The following GALNTL6 variants were observed in gnomAD, a reference collection of about 807,000 sequenced individuals.
GALNTL6 encodes the protein polypeptide N-acetylgalactosaminyltransferase-like 6.
A neutral mutation model predicts 73.7 loss-of-function variants in GALNTL6; 46 were observed. The observed-to-expected ratio is 0.62, with a 90% CI of 0.49 to 0.80. The LOEUF (loss-of-function observed/expected upper bound fraction) is 0.80. Ranked by LOEUF, GALNTL6 falls within the 30% of genes least tolerant of loss-of-function variation. The probability of loss-of-function intolerance (pLI) is 0.00; values close to 1 mark genes in which losing one functional copy is unlikely to be tolerated. For synonymous variants in GALNTL6, 259 were observed against 263.7 expected, an observed-to-expected ratio of 0.98 and a Z score of 0.17; for missense variants, 604 against 755.0, an observed-to-expected ratio of 0.80 and a Z score of 2.34.
intron 5 of GALNTL6, among the ~76,000 whole-genome samples, chr4:172,610,061 T>A (rs1298550483): frequency 6.6e-6 from 1 of 152,074 alleles, no homozygotes; most frequent in African/African-American, 2.4e-5. Flanking sequence ...CATTTCTAAT[T>A]GTGTTTATTT....
intron 5 of GALNTL6, among the ~76,000 whole-genome samples, chr4:172,732,086 T>C (rs1367179473): frequency 6.6e-6 from 1 of 152,098 alleles, no homozygotes; most frequent in Non-Finnish European, 1.5e-5. Flanking sequence ...CTCCACTGTT[T>C]CCTTGTTGAT....
intron 2 of GALNTL6, among the ~76,000 whole-genome samples, chr4:171,896,950 G>A (rs1460745182): frequency 1.3e-5 from 2 of 151,762 alleles, no homozygotes; most frequent in African/African-American, 2.4e-5. Context: ...AAAGCCAAAT[G>A]GGAACAATTA....
intron 5 of GALNTL6, among the ~76,000 whole-genome samples, chr4:172,792,166 C>T (rs147945296): frequency 6.2e-4 from 94 of 152,108 alleles, no homozygotes; most frequent in African/African-American, 1.9e-3. Context: ...AAAACCATGA[C>T]GTGAAAATAG....
intron 2 of GALNTL6, among the ~76,000 whole-genome samples, chr4:171,822,876 T>C (rs1275114069): frequency 6.6e-6 from 1 of 152,170 alleles, no homozygotes; most frequent in Non-Finnish European, 1.5e-5. Context: ...TTAGAAGAGG[T>C]AAAAAATATG....
chr4:172,711,323 T>C (rs1734690838), intron 5 of GALNTL6, among the ~76,000 whole-genome samples: 1 of 152,134 alleles, frequency 6.6e-6, no homozygotes, highest in South Asian at 2.1e-4. Context: ...GTATAGAGAT[T>C]ACTGCGGCTG....
chr4:172,114,406 C>A (rs886415694), intron 2 of GALNTL6, among the ~76,000 whole-genome samples: 1 of 151,958 alleles, frequency 6.6e-6, no homozygotes, highest in African/African-American at 2.4e-5. Context: ...TCATTCGTTC[C>A]TCATCATCAA....
intron 2 of GALNTL6, among the ~76,000 whole-genome samples, chr4:171,880,400 T>C (rs1198884458): frequency 2.6e-5 from 4 of 152,224 alleles, no homozygotes; most frequent in Admixed American, 6.5e-5. Flanking sequence ...TCCCACCATA[T>C]GAATCAGATG....
intron 2 of GALNTL6, among the ~76,000 whole-genome samples, chr4:171,934,533 C>T (rs1425923159): frequency 4.6e-5 from 7 of 152,136 alleles, no homozygotes; most frequent in African/African-American, 1.7e-4. Flanking sequence ...CTCACGTCAG[C>T]CTCCCAAGTA....
At chr4:172,757,134 C>A (rs1737798879) in intron 5 of GALNTL6, among the ~76,000 whole-genome samples, 1 of 152,178 alleles carries the variant, frequency 6.6e-6, no homozygotes, top group East Asian at 1.9e-4. Flanking sequence ...GATTAAGCAT[C>A]TGGTGTATGC....
In GALNTL6 at chr4:172,198,921, G is replaced by A. The variant is rs560228091; in HGVS notation, c.139-30735G>A. 2.0e-5 allele frequency among the ~76,000 whole-genome samples: 3 copies of A among 152,012 alleles called. No homozygotes were observed. In the South Asian group the frequency reaches 6.2e-4, roughly 32 times the overall value. ...ATTTAGTACTTCACTTCTCTCTAATGATAGCCAACTCCTAATCATCTTTCA... is the reference window on the plus strand; with the variant it reads ...ATTTAGTACTTCACTTCTCTCTAATAATAGCCAACTCCTAATCATCTTTCA... On this transcript the variant is annotated intron_variant, in intron 2 of 12. Coordinates refer to ENST00000506823, the MANE Select transcript of GALNTL6 (RefSeq NM_001034845.3).
intron 7 of GALNTL6, among the ~76,000 whole-genome samples, chr4:172,859,969 C>T (rs1006292557): frequency 1.9e-4 from 29 of 151,976 alleles, no homozygotes; most frequent in Non-Finnish European, 1.0e-4. Flanking sequence ...TATGGTGAGC[C>T]GTATAATTAT....
intron 5 of GALNTL6, among the ~76,000 whole-genome samples, chr4:172,566,926 C>T (rs1736575145): frequency 6.6e-6 from 1 of 151,742 alleles, no homozygotes; most frequent in South Asian, 2.1e-4. Context: ...TTTTGGTGAT[C>T]TTTCTTTGCT....
chr4:172,027,248 G>A (rs1453482757), intron 2 of GALNTL6, among the ~76,000 whole-genome samples: 1 of 152,096 alleles, frequency 6.6e-6, no homozygotes, highest in Non-Finnish European at 1.5e-5. Context: ...CAAATTGAAG[G>A]TTTGCTGCAA....
At chr4:172,980,455 G>A (rs1043399677) in intron 10 of GALNTL6, among the ~76,000 whole-genome samples, 16 of 152,098 alleles carry the variant, frequency 1.1e-4, no homozygotes, top group Non-Finnish European at 1.8e-4. Context: ...ATAACACAGT[G>A]CCACATAGTA....
chr4:172,219,491 G>A (rs917063276), intron 2 of GALNTL6, among the ~76,000 whole-genome samples: 23 of 151,480 alleles, frequency 1.5e-4, no homozygotes, highest in Middle Eastern at 3.4e-3. Context: ...CTTTTTGATG[G>A]CAAGCTATAA....
chr4:171,991,322 C>T (rs576442153), intron 2 of GALNTL6, among the ~76,000 whole-genome samples: 1 of 152,036 alleles, frequency 6.6e-6, no homozygotes, highest in East Asian at 1.9e-4. Context: ...AAAATGTATG[C>T]CAAAAATTAT....
chr4:172,969,567 C>T (rs1041084050), intron 10 of GALNTL6, among the ~76,000 whole-genome samples: 3 of 152,244 alleles, frequency 2.0e-5, no homozygotes, highest in Middle Eastern at 3.4e-3. Flanking sequence ...AAAAAAATAG[C>T]ATCCAAGCAA....
In GALNTL6 at chr4:172,889,140, C is replaced by T. The variant is rs553060487; in HGVS notation, c.1041+6233C>T. On this transcript the variant is annotated intron_variant, in intron 8 of 12. Coordinates refer to ENST00000506823, the MANE Select transcript of GALNTL6 (RefSeq NM_001034845.3). ...CTGAAACTTTACTGAAGCCATTTAT[C>T]AGGTCTGTAAGCCATTTGGCAGAGT... Among the ~76,000 whole-genome samples, 6 of 152,270 alleles carry T rather than the reference C, an allele frequency of 3.9e-5. No homozygotes were observed. In the South Asian group the frequency reaches 1.2e-3, roughly 32 times the overall value.
intron 3 of GALNTL6, among the ~76,000 whole-genome samples, chr4:172,235,310 C>T (rs779943611): frequency 3.3e-5 from 5 of 151,916 alleles, no homozygotes; most frequent in African/African-American, 7.3e-5. Flanking sequence ...CGGGTTCAGG[C>T]GATTCTCCTG....
Sources: allele counts gnomAD v4.1 joint callset (sites outside exome capture counted in the v4.1 genomes callset), GRCh38; gene constraint gnomAD v4.1.1; transcripts MANE v1.5; gene names NCBI Gene and HGNC (gene_info 2026-07-23, HGNC 2026-07-21).